The following OR52K1 variants were observed in gnomAD, a reference collection of about 807,000 sequenced individuals.
OR52K1 encodes the protein olfactory receptor family 52 subfamily K member 1, also known as olfactory receptor 52K1.
Under a neutral mutation model 8.7 loss-of-function variants are expected in OR52K1, and 10 were observed. That is an observed-to-expected ratio of 1.15 (90% CI 0.71 to 1.95). OR52K1 has a LOEUF of 1.95. Ranked by LOEUF, OR52K1 falls within the 30% of genes most tolerant of loss-of-function variation. The probability of loss-of-function intolerance (pLI) is 0.00; values close to 1 mark genes in which losing one functional copy is unlikely to be tolerated. For missense variants in OR52K1, 431 were observed against 397.2 expected, an observed-to-expected ratio of 1.08 and a Z score of -0.72; for synonymous variants, 203 against 148.5, an observed-to-expected ratio of 1.37 and a Z score of -2.67.
At chr11:4,487,618 A>T (rs547575970) in intron 1 of OR52K1, among the ~76,000 whole-genome samples, 1 of 152,190 alleles carries the variant, frequency 6.6e-6, no homozygotes, top group South Asian at 2.1e-4. Context: ...AATCGGTAGA[A>T]AGAAGGACTC....
rs766536729 is a variant in OR52K1 at position 4,489,604 on chromosome 11, C to G, written c.704C>G (p.Ala235Gly). The change falls in exon 2 of 2, where the codon GCC becomes GGC. Residue 235 changes from alanine to glycine, a missense_variant. By Grantham distance (60) the Ala-to-Gly change is moderately conservative (BLOSUM62 0). Transcript: ENST00000641528. ...GTTCTCCAGCTTGCCTCTCAGGAGGCCCGCTACAAGGCATTTGGGACATGT... is the reference window on the plus strand; with the variant it reads ...GTTCTCCAGCTTGCCTCTCAGGAGGGCCGCTACAAGGCATTTGGGACATGT... ...QAVLQLASQEARYKAFGTCVS... is the reference protein window; with the variant it reads ...QAVLQLASQEGRYKAFGTCVS... 6.2e-7 allele frequency: 1 copy of G among 1,614,172 alleles called. No homozygotes were observed. The highest frequency in any genetic ancestry group is 8.5e-7 in the Non-Finnish European group (1 of 1,180,014).
Position 4,490,482 on chromosome 11 carries a change from T to A in OR52K1, c.*637T>A, listed in dbSNP as rs1384087879. On this transcript the variant is annotated 3_prime_UTR_variant, in exon 2 of 2. Transcript: ENST00000641528. ...AAGAGTCCTCCGATGTTCCTTTTTATCAATTTATATCATGTATCTAGCTTT... is the reference window on the plus strand; with the variant it reads ...AAGAGTCCTCCGATGTTCCTTTTTAACAATTTATATCATGTATCTAGCTTT... 1 of 152,382 alleles carries A rather than the reference T, an allele frequency of 6.6e-6. No individual in the cohort carries two copies. The highest frequency in any genetic ancestry group is 1.5e-5 in the Non-Finnish European group (1 of 68,178). The allele number at this position is 152,382 out of a possible 1,614,324, so 9.4% of individuals were successfully genotyped here. A position where few individuals can be genotyped will look rare whatever the true frequency, so the allele number is the denominator to read the frequency against.
At position 4,489,663 on chromosome 11, in the gene OR52K1, A is replaced by AC. The variant is rs767690731; in HGVS notation, c.764dup (p.Pro256SerfsTer48). The AC allele has an allele frequency of 5.6e-6, 9 of 1,613,572 alleles. No homozygotes were observed. The East Asian group carries it at 2.0e-4, about 36-fold the overall frequency. On this transcript the variant is annotated frameshift_variant, in exon 2 of 2. Coordinates refer to ENST00000641528, the MANE Select transcript of OR52K1 (RefSeq NM_001005171.3). LOFTEE classifies it high-confidence loss of function. ...CATAGGTGCCATCCTGTCCACCTAC[A>AC]CTCCAGTAGTCATCTCTTCAGTCAT... is the stretch of plus-strand genomic sequence containing the variant.
rs1485967523 is a variant in OR52K1 at position 4,489,962 on chromosome 11, A to G, written c.*117A>G. Reference sequence around the variant, plus strand: ...GTATCTTTGACAATTCTCTAGTATGATAAGGAAAATGAGGTTTCATTCCTC... The same window carrying G: ...GTATCTTTGACAATTCTCTAGTATGGTAAGGAAAATGAGGTTTCATTCCTC... On this transcript the variant is annotated 3_prime_UTR_variant, in exon 2 of 2. Coordinates refer to ENST00000641528, the MANE Select transcript of OR52K1 (RefSeq NM_001005171.3). The G allele has an allele frequency of 5.4e-6, 4 of 744,000 alleles. No homozygotes were observed. In the East Asian group the frequency reaches 1.0e-4, roughly 19 times the overall value. 46.1% of individuals were successfully genotyped at this position (744,000 alleles called of 1,614,324 possible). A position where few individuals can be genotyped will look rare whatever the true frequency, so the allele number is the denominator to read the frequency against.
At position 4,491,702 on chromosome 11, in the gene OR52K1, A is replaced by T. The variant is rs567722529; in HGVS notation, c.*1857A>T. On this transcript the variant is annotated 3_prime_UTR_variant, in exon 2 of 2. Coordinates refer to ENST00000641528, the MANE Select transcript of OR52K1 (RefSeq NM_001005171.3). ...GGGGAATAGAAAAATAAAATACCAC[A>T]TGTTCTCACTTATAAGTGGGAACTA... 1 of 151,802 alleles carries T rather than the reference A, an allele frequency of 6.6e-6. No homozygotes were observed. Among genetic ancestry groups the T allele is most frequent in the African/African-American group, 2.4e-5 (1 of 41,320 alleles). 9.4% of individuals were successfully genotyped at this position (151,802 alleles called of 1,614,324 possible). A position where few individuals can be genotyped will look rare whatever the true frequency, so the allele number is the denominator to read the frequency against.
rs1349343524 is a variant in OR52K1 at position 4,492,942 on chromosome 11, G to A, written c.*3097G>A. The A allele has an allele frequency of 1.7e-5, 3 of 177,404 alleles. No homozygotes were observed. Among genetic ancestry groups the A allele is most frequent in the East Asian group, 3.3e-4 (2 of 6,032 alleles). The allele number at this position is 177,404 out of a possible 1,614,324, so 11.0% of individuals were successfully genotyped here. A position where few individuals can be genotyped will look rare whatever the true frequency, so the allele number is the denominator to read the frequency against. ...TTGGATACAAGGCAAAAGGGGCAGG[G>A]TAAAGAGTGTGAGTCATCTCCAATG... On this transcript the variant is annotated 3_prime_UTR_variant, in exon 2 of 2. Coordinates refer to ENST00000641528, the MANE Select transcript of OR52K1 (RefSeq NM_001005171.3).
intron 1 of OR52K1, among the ~76,000 whole-genome samples, chr11:4,484,825 A>AAC (rs1429995858): frequency 0.011 from 1,451 of 131,852 alleles, 17 homozygotes; most frequent in African/African-American, 0.023. Context: ...TCTGTTCTAA[A>AAC]ACACACAGAC....
At chr11:4,484,744 CTCTT>C (rs1231013752) in intron 1 of OR52K1, among the ~76,000 whole-genome samples, 1 of 151,628 alleles carries the variant, frequency 6.6e-6, no homozygotes, top group African/African-American at 2.4e-5. Context: ...GAGCAGTATT[CTCTT>C]TCTTCGTCTA....
intron 1 of OR52K1, among the ~76,000 whole-genome samples, chr11:4,484,879 C>A (rs147303008): frequency 2.7e-5 from 4 of 149,296 alleles, no homozygotes; most frequent in African/African-American, 5.0e-5. Context: ...CAGTTGACTT[C>A]GCTTTCCATT....
At position 4,492,217 on chromosome 11, in the gene OR52K1, A is replaced by T. The variant is rs1314896437; in HGVS notation, c.*2372A>T. 1 of 152,184 alleles carries T rather than the reference A, an allele frequency of 6.6e-6. No homozygotes were observed. Among genetic ancestry groups the T allele is most frequent in the Non-Finnish European group, 1.5e-5 (1 of 68,030 alleles). The allele number at this position is 152,184 out of a possible 1,614,324, so 9.4% of individuals were successfully genotyped here. Reference sequence around the variant, plus strand: ...TCCAGTTAGAGGCTGTGACAAAGCCAAAGTCCACCCACAATGAGTAAGAAG... The same window carrying T: ...TCCAGTTAGAGGCTGTGACAAAGCCTAAGTCCACCCACAATGAGTAAGAAG... On this transcript the variant is annotated 3_prime_UTR_variant, in exon 2 of 2. Coordinates refer to ENST00000641528, the MANE Select transcript of OR52K1 (RefSeq NM_001005171.3).
rs1363873274 is a variant in OR52K1 at position 4,490,611 on chromosome 11, T to TA, written c.*768dup. 1.3e-5 allele frequency: 2 copies of TA among 152,156 alleles called. No homozygotes were observed. Among genetic ancestry groups the TA allele is most frequent in the Non-Finnish European group, 2.9e-5 (2 of 68,010 alleles). 9.4% of individuals were successfully genotyped at this position (152,156 alleles called of 1,614,324 possible). A position where few individuals can be genotyped will look rare whatever the true frequency, so the allele number is the denominator to read the frequency against. ...GAACTATGAACCATGAAAAGAGAAA[T>TA]AACACCCTTCCCTCTTGAAGCTGAG... On this transcript the variant is annotated 3_prime_UTR_variant, in exon 2 of 2. Coordinates refer to ENST00000641528, the MANE Select transcript of OR52K1 (RefSeq NM_001005171.3).
chr11:4,489,256 C>T lies in OR52K1; in HGVS notation c.356C>T (p.Ala119Val), dbSNP rs897633516. Residue 119 changes from alanine (A) to valine (V), a missense_variant, in exon 2 of 2, where the codon GCC becomes GTC. By Grantham distance (64) the Ala-to-Val change is moderately conservative (BLOSUM62 0). Transcript: ENST00000641528. ...FSIMESAVLL[A>V]MAFDRYVAIC... is the part of the protein sequence containing the mutation. Reference sequence around the variant, plus strand: ...ATCATGGAGTCAGCAGTGCTGCTGGCCATGGCCTTTGACCGCTATGTGGCC... The same window carrying T: ...ATCATGGAGTCAGCAGTGCTGCTGGTCATGGCCTTTGACCGCTATGTGGCC... 17 of 1,614,194 alleles carry T rather than the reference C, an allele frequency of 1.1e-5. No homozygotes were observed. The highest frequency in any genetic ancestry group is 1.4e-5 in the Non-Finnish European group (16 of 1,180,036).
chr11:4,489,539 G>T lies in OR52K1; in HGVS notation c.639G>T (p.Leu213=). 1 of 1,614,214 alleles carries T rather than the reference G, an allele frequency of 6.2e-7. No homozygotes were observed. Among genetic ancestry groups the T allele is most frequent in the Non-Finnish European group, 8.5e-7 (1 of 1,180,040 alleles). Residue 213 remains leucine (L), a synonymous_variant, in exon 2 of 2, where the codon CTG becomes CTT. Transcript: ENST00000641528. ...AVAMFIVVLD[L]LFVILSYVFI... The stretch of plus-strand genomic sequence containing the variant: ...CCATGTTTATTGTGGTGTTGGACCT[G>T]CTCTTTGTTATCCTGTCTTATGTCT...
rs569980386 is a variant in OR52K1, at chr11:4,483,943, GA to G, written c.-329+769del. On this transcript the variant is annotated intron_variant, in intron 1 of 1. Coordinates refer to ENST00000641528, the MANE Select transcript of OR52K1 (RefSeq NM_001005171.3). ...TATTTAAAATAGTATTTTCCATTAA[GA>G]AGAGAATTTTATTCTGATGCAGGTA... is the stretch of plus-strand genomic sequence containing the variant. Among the ~76,000 whole-genome samples the G allele has an allele frequency of 6.0e-3, 917 of 152,304 alleles. 11 individuals carry two copies. The highest frequency in any genetic ancestry group is 0.02 in the African/African-American group (827 of 41,550).
intron 1 of OR52K1, among the ~76,000 whole-genome samples, chr11:4,486,514 TCATTC>T (rs1184668834): frequency 6.6e-6 from 1 of 152,216 alleles, no homozygotes; most frequent in East Asian, 1.9e-4. Context: ...TTTCCTCACC[TCATTC>T]AATTTTTCTC....
intron 1 of OR52K1, among the ~76,000 whole-genome samples, chr11:4,486,816 T>C (rs749945026): frequency 1.3e-5 from 2 of 152,234 alleles, no homozygotes; most frequent in Non-Finnish European, 2.9e-5. Flanking sequence ...TAGTATATTT[T>C]CTGAATGACA....
At position 4,490,122 on chromosome 11, in the gene OR52K1, G is replaced by T; in HGVS notation, c.*277G>T. On this transcript the variant is annotated 3_prime_UTR_variant, in exon 2 of 2. Transcript: ENST00000641528. ...CCTCTCAAAGTGGTATTGTAATCTGGGTGAAAGACAGTAGGACCTTTATTG... is the reference window on the plus strand; with the variant it reads ...CCTCTCAAAGTGGTATTGTAATCTGTGTGAAAGACAGTAGGACCTTTATTG... 2.7e-6 allele frequency: 1 copy of T among 370,440 alleles called. No homozygotes were observed. Among genetic ancestry groups the T allele is most frequent in the South Asian group, 4.3e-5 (1 of 23,522 alleles). 22.9% of individuals were successfully genotyped at this position (370,440 alleles called of 1,614,324 possible).
In OR52K1 at chr11:4,489,071, C is replaced by T. The variant is rs1353922303; in HGVS notation, c.171C>T (p.Leu57=). The change falls in exon 2 of 2, where the codon CTC becomes CTT. Residue 57 remains leucine, a synonymous_variant. Transcript: ENST00000641528. ...TCATTATCCAGGCTGATGCAGCCCT[C>T]CATGAACCCATGTACCTCTTTCTGG... ...LLFIIQADAA[L]HEPMYLFLAM... 1 of 1,614,186 alleles carries T rather than the reference C, an allele frequency of 6.2e-7. No individual in the cohort carries two copies. Among genetic ancestry groups the T allele is most frequent in the Non-Finnish European group, 8.5e-7 (1 of 1,180,010 alleles).
chr11:4,489,814 T>G lies in OR52K1; in HGVS notation c.914T>G (p.Val305Gly). 6.2e-7 allele frequency: 1 copy of G among 1,612,264 alleles called. No homozygotes were observed. Among genetic ancestry groups the G allele is most frequent in the South Asian group, 1.1e-5 (1 of 90,826 alleles). Residue 305 changes from valine (V) to glycine (G), a missense_variant, in exon 2 of 2, where the codon GTG (valine) becomes GGG (glycine). Physicochemically the swap from Val to Gly is moderately radical, Grantham distance 109. Transcript: ENST00000641528. ...AAGACCAAGCAGATTCGTGAGTATG[T>G]GCTCAGTCTATTCCAGAGAAAGAAC... ...GVKTKQIREY[V>G]LSLFQRKNM
Sources: gnomAD v4.1 joint callset for allele counts (sites outside exome capture counted in the v4.1 genomes callset) on GRCh38, gnomAD v4.1.1 for gene constraint, MANE v1.5 for transcripts, NCBI Gene and HGNC (gene_info 2026-07-23, HGNC 2026-07-21) for gene names.